Variants in OCM observed in about 807,000 individuals in gnomAD.
OCM encodes the protein oncomodulin.
Under a neutral mutation model 14.1 loss-of-function variants are expected in OCM, and 18 were observed. That is an observed-to-expected ratio of 1.28 (90% CI 0.88 to 1.89). OCM has a LOEUF of 1.89. OCM is among the 40% of genes most tolerant of loss of function. The probability of loss-of-function intolerance (pLI) is 0.00; values close to 1 mark genes in which losing one functional copy is unlikely to be tolerated. For synonymous variants in OCM, 48 were observed against 51.0 expected, an observed-to-expected ratio of 0.94 and a Z score of 0.25; for missense variants, 140 against 137.6, an observed-to-expected ratio of 1.02 and a Z score of -0.09.
At chr7:5,864,733 TC>T in the OCM span, among the ~76,000 whole-genome samples, 1 of 151,988 alleles carries the variant, frequency 6.6e-6, no homozygotes, top group Non-Finnish European at 1.5e-5. Flanking sequence ...GCCAGGCGGA[TC>T]ACCTGAGGTT....
upstream of OCM, among the ~76,000 whole-genome samples, chr7:5,877,036 C>A (rs1781109266): frequency 6.6e-6 from 1 of 152,154 alleles, no homozygotes; most frequent in Admixed American, 6.5e-5. Flanking sequence ...GAACTCCCAA[C>A]CTCAGGTGAT....
chr7:5,864,226 C>T, the OCM span, among the ~76,000 whole-genome samples: 1 of 151,216 alleles, frequency 6.6e-6, no homozygotes, highest in African/African-American at 2.4e-5. Flanking sequence ...GTGGTCCCAG[C>T]TCCTGGTTGG....
chr7:5,861,100 A>G, the OCM span, among the ~76,000 whole-genome samples: 1 of 151,864 alleles, frequency 6.6e-6, no homozygotes, highest in African/African-American at 2.4e-5. Flanking sequence ...TTTTAGCAGG[A>G]TGGGAGGGAG....
At chr7:5,872,240 C>A in the OCM span, among the ~76,000 whole-genome samples, 2 of 152,106 alleles carry the variant, frequency 1.3e-5, no homozygotes, top group Non-Finnish European at 1.5e-5. Context: ...TCCTGGGGAT[C>A]CCCCATCCTT....
At chr7:5,876,680 A>C (rs117702116), upstream of OCM, among the ~76,000 whole-genome samples, 5,738 of 152,274 alleles carry the variant, frequency 0.038, 146 homozygotes, top group Non-Finnish European at 0.054. Flanking sequence ...GAAACTGTTC[A>C]CTGACGACAC....
chr7:5,881,698 CTATT>C (rs1240209300), intron 1 of OCM, among the ~76,000 whole-genome samples: 4 of 151,884 alleles, frequency 2.6e-5, no homozygotes, highest in African/African-American at 7.3e-5. Flanking sequence ...AAGAAAACTG[CTATT>C]TATTAGATAA....
chr7:5,877,335 G>T (rs1562528649), upstream of OCM, among the ~76,000 whole-genome samples: 1 of 151,604 alleles, frequency 6.6e-6, no homozygotes, highest in Non-Finnish European at 1.5e-5. Flanking sequence ...AGGTGTGGTG[G>T]TGTGTGCCTA....
At chr7:5,865,957 C>T in the OCM span, among the ~76,000 whole-genome samples, 7 of 151,004 alleles carry the variant, frequency 4.6e-5, no homozygotes, top group South Asian at 1.5e-3. Flanking sequence ...AGATTTTAAT[C>T]ACTTCAGTCC....
chr7:5,878,616 G>A (rs1583169746), upstream of OCM, among the ~76,000 whole-genome samples: 1 of 151,346 alleles, frequency 6.6e-6, no homozygotes, highest in South Asian at 2.1e-4. Flanking sequence ...GTGTTGTGGC[G>A]GGCGCCTGCA....
At chr7:5,867,657 A>G in the OCM span, among the ~76,000 whole-genome samples, 1 of 151,126 alleles carries the variant, frequency 6.6e-6, no homozygotes, top group South Asian at 2.1e-4. Flanking sequence ...CCAGTAGCTC[A>G]CTGATGTCTG....
chr7:5,877,763 T>C (rs184446629), upstream of OCM, among the ~76,000 whole-genome samples: 1 of 126,258 alleles, frequency 7.9e-6, no homozygotes, highest in Admixed American at 1.1e-4. Flanking sequence ...GAGGTTGTAG[T>C]GAGCCAAGAT....
the OCM span, among the ~76,000 whole-genome samples, chr7:5,861,756 G>T: frequency 2.0e-5 from 3 of 151,920 alleles, no homozygotes; most frequent in Non-Finnish European, 2.9e-5. Context: ...ATTTGTTGTT[G>T]TTGTTAGAGA....
the OCM span, among the ~76,000 whole-genome samples, chr7:5,863,076 G>A: frequency 1.1e-3 from 172 of 152,246 alleles, no homozygotes; most frequent in African/African-American, 4.0e-3. Flanking sequence ...TTTACCTTAT[G>A]TAAAATGTAG....
the OCM span, among the ~76,000 whole-genome samples, chr7:5,872,661 A>T: frequency 6.6e-6 from 1 of 152,144 alleles, no homozygotes; most frequent in African/African-American, 2.4e-5. Flanking sequence ...TTTGTTACAC[A>T]GATGCTAGAA....
the OCM span, among the ~76,000 whole-genome samples, chr7:5,869,058 G>A: frequency 6.6e-6 from 1 of 151,848 alleles, no homozygotes; most frequent in Non-Finnish European, 1.5e-5. Context: ...GTGAGACTCT[G>A]TCTCAAAAAC....
intron 2 of OCM, among the ~76,000 whole-genome samples, chr7:5,883,380 A>G (rs1426808845): frequency 6.6e-6 from 1 of 151,830 alleles, no homozygotes; most frequent in African/African-American, 2.4e-5. Context: ...AATTAAAAAC[A>G]CTAAAAACTT....
At chr7:5,863,672 A>T in the OCM span, among the ~76,000 whole-genome samples, 1 of 151,846 alleles carries the variant, frequency 6.6e-6, no homozygotes, top group African/African-American at 2.4e-5. Context: ...AGCTGGGATT[A>T]CAGGTGCGCA....
chr7:5,886,003 G>A (rs370786923), intron 3 of OCM, 61 bp from the exon 4 acceptor site: 23 of 1,612,106 alleles, frequency 1.4e-5, no homozygotes, highest in African/African-American at 5.3e-5. Flanking sequence ...CATTGGCCAC[G>A]GCACGTCTGT....
the OCM span, among the ~76,000 whole-genome samples, chr7:5,868,436 C>T: frequency 9.9e-5 from 15 of 152,098 alleles, no homozygotes; most frequent in South Asian, 4.1e-4. Flanking sequence ...TGTGAGCCAC[C>T]GCGCCCGGCC....
Sources: allele counts gnomAD v4.1 joint callset (sites outside exome capture counted in the v4.1 genomes callset), GRCh38; gene constraint gnomAD v4.1.1; transcripts MANE v1.5; gene names NCBI Gene and HGNC (gene_info 2026-07-23, HGNC 2026-07-21).